Variants in CFAP20DC observed in about 807,000 individuals in gnomAD.
CFAP20DC encodes protein CFAP20DC.
In CFAP20DC, 84 loss-of-function variants were observed where a neutral mutation model predicts 101.7. That is an observed-to-expected ratio of 0.83 (90% confidence interval 0.69 to 0.99). CFAP20DC has a LOEUF of 0.99. Ranked by LOEUF, CFAP20DC falls within the 50% of genes least tolerant of loss-of-function variation. The pLI is 0.00. For missense variants in CFAP20DC, 1,007 were observed against 970.3 expected, an observed-to-expected ratio of 1.04 and a Z score of -0.50; for synonymous variants, 359 against 351.2, an observed-to-expected ratio of 1.02 and a Z score of -0.25.
chr3:58,958,214 G>C (rs909137259), intron 4 of CFAP20DC, among the ~76,000 whole-genome samples: 3 of 152,084 alleles, frequency 2.0e-5, no homozygotes, highest in African/African-American at 4.8e-5. Context: ...CCCAGCCCCA[G>C]ACAATACCAA....
chr3:58,839,469 C>T (rs1379602776), intron 13 of CFAP20DC, among the ~76,000 whole-genome samples: 2 of 152,154 alleles, frequency 1.3e-5, no homozygotes, highest in East Asian at 1.9e-4. Flanking sequence ...CCATTAAAGT[C>T]ACATAAAAGC....
At chr3:58,833,479 C>T (rs2076534389) in intron 13 of CFAP20DC, among the ~76,000 whole-genome samples, 1 of 152,108 alleles carries the variant, frequency 6.6e-6, no homozygotes, top group Admixed American at 6.5e-5. Flanking sequence ...CAAAGATGTT[C>T]AACATCCTTG....
intron 3 of CFAP20DC, 69 bp from the exon 4 acceptor site, chr3:59,039,698 C>G: frequency 1.1e-6 from 1 of 930,618 alleles, no homozygotes; most frequent in Non-Finnish European, 1.6e-6. Context: ...CAAACACAAT[C>G]ACAAACCACG....
At chr3:58,950,071 A>G (rs1481196841) in intron 4 of CFAP20DC, among the ~76,000 whole-genome samples, 1 of 152,216 alleles carries the variant, frequency 6.6e-6, no homozygotes, top group East Asian at 1.9e-4. Context: ...ACTTCAGCAA[A>G]GTCTCAGGAT....
In CFAP20DC at chr3:58,914,424, A is replaced by G. The variant is rs2107426585; in HGVS notation, c.394-560T>C. ...TTGCCAGTTTTTAAAGTACTCTTGC[A>G]GGGACTAATTTCTGCGCATTAAATA... is the stretch of plus-strand genomic sequence containing the variant. On this transcript the variant is annotated intron_variant, in intron 5 of 16. Transcript: ENST00000482387. The surrounding 1 kb of genome is among the most constrained non-coding windows in gnomAD (Gnocchi z 4.9). Among the ~76,000 whole-genome samples, 1 of 152,286 alleles carries G rather than the reference A, an allele frequency of 6.6e-6. No homozygotes were observed. Among genetic ancestry groups the G allele is most frequent in the Non-Finnish European group, 1.5e-5 (1 of 68,000 alleles).
rs1409001648 is a variant in CFAP20DC, at chr3:58,867,823, G to GTGTCTC, written c.1123_1128dup (p.Glu375_Thr376dup). 1 of 1,613,546 alleles carries GTGTCTC rather than the reference G, an allele frequency of 6.2e-7. No homozygotes were observed. Among genetic ancestry groups the GTGTCTC allele is most frequent in the Admixed American group, 1.7e-5 (1 of 60,020 alleles). Reference sequence around the variant, plus strand: ...GATTGAAATAGTGCCATACCGCTGGGTGTCTCTGTCCTTTCTCTGCTGGTA... The same window carrying GTGTCTC: ...GATTGAAATAGTGCCATACCGCTGGGTGTCTCTGTCTCTGTCCTTTCTCTGCTGGTA... On this transcript the variant is annotated inframe_insertion, in exon 10 of 17. Coordinates refer to ENST00000482387, the MANE Select transcript of CFAP20DC (RefSeq NM_001394063.1).
At chr3:58,937,820 T>C in intron 4 of CFAP20DC, 58 bp from the exon 5 acceptor site, 1 of 908,076 alleles carries the variant, frequency 1.1e-6, no homozygotes, top group South Asian at 1.4e-5. Context: ...AACCACTTCT[T>C]TGGATAATCA....
At chr3:58,935,896 T>C (rs915100128) in intron 5 of CFAP20DC, among the ~76,000 whole-genome samples, 2 of 151,996 alleles carry the variant, frequency 1.3e-5, no homozygotes, top group African/African-American at 2.4e-5. Flanking sequence ...CCAAAAGCAA[T>C]GGCAACAAAA....
Position 59,005,183 on chromosome 3 carries a change from A to G in CFAP20DC, c.278+34374T>C, listed in dbSNP as rs114131849. Among the ~76,000 whole-genome samples, 711 of 152,180 alleles carry G rather than the reference A, an allele frequency of 4.7e-3. 3 individuals carry two copies. Among genetic ancestry groups the G allele is most frequent in the African/African-American group, 0.016 (684 of 41,522 alleles). On this transcript the variant is annotated intron_variant, in intron 4 of 16. Transcript: ENST00000482387. ...TTTTTGTTCATTCAGTTGTGTCTCT[A>G]CCAATGCCATGGGAGGGGCCTTGGT...
At chr3:58,764,603 T>C (rs569564830) in intron 15 of CFAP20DC, among the ~76,000 whole-genome samples, 68 of 152,308 alleles carry the variant, frequency 4.5e-4, no homozygotes, top group African/African-American at 1.5e-3. Context: ...TCACCCGTCT[T>C]CTGCATCGCT....
rs767105071 is a variant in CFAP20DC, at chr3:58,783,474, AAACC to A, written c.2237+22917_2237+22920del. Among the ~76,000 whole-genome samples the A allele has an allele frequency of 3.5e-4, 53 of 152,054 alleles. No homozygotes were observed. In the Middle Eastern group the frequency reaches 0.01, roughly 29 times the overall value. On this transcript the variant is annotated intron_variant, in intron 15 of 16. Transcript: ENST00000482387. ...TCTGCACAGCAAAACAGAAGAACAA[AAACC>A]AACCAACCAAACAAAAAACAAGAGT...
Position 58,799,320 on chromosome 3 carries a change from G to A in CFAP20DC, c.2237+7075C>T, listed in dbSNP as rs2073491733. Among the ~76,000 whole-genome samples, 1 of 152,162 alleles carries A rather than the reference G, an allele frequency of 6.6e-6. No homozygotes were observed. The highest frequency in any genetic ancestry group is 1.5e-5 in the Non-Finnish European group (1 of 68,030). On this transcript the variant is annotated intron_variant, in intron 15 of 16. Transcript: ENST00000482387. The surrounding 1 kb of genome is among the most constrained non-coding windows in gnomAD (Gnocchi z 4.9). ...TTTAGAAAACTGTCTCTATTTAAAG[G>A]TGTAAAATGATATCAGATACTTTAT...
intron 15 of CFAP20DC, among the ~76,000 whole-genome samples, chr3:58,755,377 C>A (rs9813637): frequency 0.16 from 24,820 of 152,076 alleles, 4,122 homozygotes; most frequent in African/African-American, 0.41. Context: ...AGACCAAAAA[C>A]TTCCTGCACT....
At chr3:58,871,847 C>T (rs992046680) in intron 7 of CFAP20DC, among the ~76,000 whole-genome samples, 1 of 151,968 alleles carries the variant, frequency 6.6e-6, no homozygotes, top group South Asian at 2.1e-4. Flanking sequence ...TGAATTCTGG[C>T]TAATGAACTG....
chr3:58,814,290 G>C (rs1414148339), intron 14 of CFAP20DC, among the ~76,000 whole-genome samples: 1 of 151,784 alleles, frequency 6.6e-6, no homozygotes, highest in Non-Finnish European at 1.5e-5. Context: ...TATCTTGTTA[G>C]TGACTCAGCC....
At position 58,831,862 on chromosome 3, in the gene CFAP20DC, T is replaced by C; in HGVS notation, c.1999A>G (p.Ser667Gly). 6.2e-7 allele frequency: 1 copy of C among 1,614,058 alleles called. No homozygotes were observed. Among genetic ancestry groups the C allele is most frequent in the Non-Finnish European group, 8.5e-7 (1 of 1,179,970 alleles). Residue 667 changes from serine (S) to glycine (G), a missense_variant, in exon 14 of 17, where the codon AGC (serine) becomes GGC (glycine). By Grantham distance (56) the Ser-to-Gly change is moderately conservative (BLOSUM62 0). Coordinates refer to ENST00000482387, the MANE Select transcript of CFAP20DC (RefSeq NM_001394063.1). Reference sequence around the variant, plus strand: ...TGTAACTCGGATTCACTCATCTGGCTTGGCTGATAGTTTCGCCAGTCATAT... The same window carrying C: ...TGTAACTCGGATTCACTCATCTGGCCTGGCTGATAGTTTCGCCAGTCATAT... ...SEYDWRNYQP[S>G]QMSESELQML...
intron 4 of CFAP20DC, among the ~76,000 whole-genome samples, chr3:58,952,051 A>G (rs2108058502): frequency 6.6e-6 from 1 of 152,292 alleles, no homozygotes; most frequent in East Asian, 1.9e-4. Flanking sequence ...CACATATAAA[A>G]CATGATGGTT....
intron 4 of CFAP20DC, among the ~76,000 whole-genome samples, chr3:58,963,132 C>A (rs904317982): frequency 6.7e-6 from 1 of 150,256 alleles, no homozygotes; most frequent in Non-Finnish European, 1.5e-5. Context: ...GGAGGGACTG[C>A]AGCAGCCCCA....
chr3:58,811,586 T>G (rs184362280), intron 14 of CFAP20DC, among the ~76,000 whole-genome samples: 1 of 152,078 alleles, frequency 6.6e-6, no homozygotes, highest in Non-Finnish European at 1.5e-5. Context: ...ACGTTAGACC[T>G]AAAACCATAA....
Sources: allele counts gnomAD v4.1 joint callset (sites outside exome capture counted in the v4.1 genomes callset), GRCh38; gene constraint gnomAD v4.1.1; non-coding constraint Gnocchi (gnomAD v3.1); transcripts MANE v1.5; gene names NCBI Gene and HGNC (gene_info 2026-07-23, HGNC 2026-07-21).